Variants in SMOC1 observed in about 807,000 individuals in gnomAD.
SMOC1 encodes the protein SPARC-related modular calcium-binding protein 1.
In SMOC1, 22 loss-of-function variants were observed where a neutral mutation model predicts 56.3. The ratio of observed to expected loss-of-function variants is 0.39; its 90% CI spans 0.28 to 0.56. The LOEUF is 0.56. SMOC1 is among the 20% of genes least tolerant of loss of function. The pLI, the probability that SMOC1 is intolerant of heterozygous loss-of-function variation, is 0.61. For synonymous variants in SMOC1, 193 were observed against 215.0 expected (o/e 0.90, Z 0.89); for missense variants, 509 against 565.4 (o/e 0.90, Z 1.01).
chr14:69,933,368 T>C (rs1343433796), intron 1 of SMOC1, among the ~76,000 whole-genome samples: 1 of 152,102 alleles, frequency 6.6e-6, no homozygotes, highest in African/African-American at 2.4e-5. Flanking sequence ...TGAAAGACTT[T>C]TTTTTTCACT....
rs1010974545 is a variant in SMOC1 at position 69,961,300 on chromosome 14, A to G, written c.378+7768A>G. On this transcript the variant is annotated intron_variant, in intron 3 of 11. Transcript: ENST00000361956. Reference sequence around the variant, plus strand: ...TATATATATATATATATATATATATATATATATATATATATATATCCTGTT... The same window carrying G: ...TATATATATATATATATATATATATGTATATATATATATATATATCCTGTT... Among the ~76,000 whole-genome samples, 4 of 128,410 alleles carry G rather than the reference A, an allele frequency of 3.1e-5. 1 individual carries two copies. Among genetic ancestry groups the G allele is most frequent in the African/African-American group, 1.2e-4 (4 of 34,214 alleles). 84.2% of individuals were successfully genotyped at this position (128,410 alleles called of 152,430 possible). A position where few individuals can be genotyped will look rare whatever the true frequency, so the allele number is the denominator to read the frequency against.
chr14:70,000,463 G>A (rs1884927198), intron 7 of SMOC1, among the ~76,000 whole-genome samples: 1 of 152,218 alleles, frequency 6.6e-6, no homozygotes, highest in East Asian at 1.9e-4. Context: ...ACTTGTCATT[G>A]CAAAGATACT....
intron 7 of SMOC1, among the ~76,000 whole-genome samples, chr14:70,004,170 A>G (rs1885068595): frequency 2.0e-5 from 3 of 152,168 alleles, no homozygotes. Flanking sequence ...TCATTCATCA[A>G]GGCATCTTCC....
intron 3 of SMOC1, among the ~76,000 whole-genome samples, chr14:69,973,646 A>G (rs1883856340): frequency 6.6e-6 from 1 of 152,208 alleles, no homozygotes; most frequent in Admixed American, 6.5e-5. Flanking sequence ...TGCCTCATTT[A>G]GACAGCATGC....
intron 1 of SMOC1, among the ~76,000 whole-genome samples, chr14:69,910,611 T>G (rs1188837527): frequency 4.3e-5 from 6 of 140,302 alleles, no homozygotes; most frequent in Non-Finnish European, 1.6e-5. Context: ...TTTTTTTTTT[T>G]GGTTGACAAA....
chr14:69,966,847 T>C (rs1308447070), intron 3 of SMOC1, among the ~76,000 whole-genome samples: 1 of 152,242 alleles, frequency 6.6e-6, no homozygotes, highest in Non-Finnish European at 1.5e-5. Context: ...ATTATATCCT[T>C]GTGAAATCTT....
At chr14:69,893,701 G>A (rs1227441796) in intron 1 of SMOC1, among the ~76,000 whole-genome samples, 10 of 152,208 alleles carry the variant, frequency 6.6e-5, no homozygotes, top group Non-Finnish European at 2.9e-5. Flanking sequence ...CAGTGAAGGA[G>A]ATTCATTGGC....
chr14:69,932,922 C>A (rs1885204801), intron 1 of SMOC1, among the ~76,000 whole-genome samples: 1 of 152,142 alleles, frequency 6.6e-6, no homozygotes, highest in African/African-American at 2.4e-5. Context: ...CAAGACTACA[C>A]CAACCTAGGG....
chr14:69,952,359 C>T, intron 2 of SMOC1, 56 bp downstream of exon 2: 2 of 1,604,478 alleles, frequency 1.2e-6, no homozygotes, highest in Non-Finnish European at 1.7e-6. Flanking sequence ...CCCCAGCTCC[C>T]TCACTATGCA....
chr14:69,993,703 G>A (rs1382367302), intron 6 of SMOC1, among the ~76,000 whole-genome samples: 1 of 152,284 alleles, frequency 6.6e-6, no homozygotes, highest in Admixed American at 6.5e-5. Context: ...GATCCACAAA[G>A]GTCCTGGATC....
At chr14:69,940,230 C>T (rs1236895206) in intron 1 of SMOC1, among the ~76,000 whole-genome samples, 7 of 152,184 alleles carry the variant, frequency 4.6e-5, no homozygotes, top group African/African-American at 1.7e-4. Flanking sequence ...CCCCACTGAA[C>T]TTCTCCCTCA....
At chr14:69,914,993 G>C (rs1205706679) in intron 1 of SMOC1, among the ~76,000 whole-genome samples, 1 of 151,882 alleles carries the variant, frequency 6.6e-6, no homozygotes, top group African/African-American at 2.4e-5. Context: ...CAGCCTCCCA[G>C]GTAGCTGGAA....
chr14:69,955,334 A>G (rs1426485284), intron 3 of SMOC1, among the ~76,000 whole-genome samples: 1 of 152,080 alleles, frequency 6.6e-6, no homozygotes, highest in Non-Finnish European at 1.5e-5. Context: ...CCTGGGCACG[A>G]AGCTCAGCCC....
At chr14:69,971,233 G>T (rs563276949) in intron 3 of SMOC1, among the ~76,000 whole-genome samples, 6 of 152,236 alleles carry the variant, frequency 3.9e-5, no homozygotes, top group Non-Finnish European at 8.8e-5. Flanking sequence ...GGCCAGGCTG[G>T]TCTCGAACTC....
intron 1 of SMOC1, among the ~76,000 whole-genome samples, chr14:69,947,940 C>T (rs571131558): frequency 6.6e-5 from 10 of 152,298 alleles, no homozygotes; most frequent in African/African-American, 2.2e-4. Flanking sequence ...CTCTTATTGC[C>T]TTTATCTTAA....
intron 7 of SMOC1, among the ~76,000 whole-genome samples, chr14:69,998,006 G>A (rs186711617): frequency 1.3e-4 from 20 of 152,252 alleles, no homozygotes; most frequent in African/African-American, 4.8e-4. Context: ...ACCCTGTGAC[G>A]CCAGGTTTGT....
chr14:70,011,700 C>T (rs1302575524), intron 9 of SMOC1, 133 bp downstream of exon 9: 6 of 828,920 alleles, frequency 7.2e-6, no homozygotes, highest in Non-Finnish European at 1.0e-5. Flanking sequence ...GTGGGATCTA[C>T]ATCCTGGTCT....
At chr14:70,027,377 G>A (rs1306979875) in intron 11 of SMOC1, among the ~76,000 whole-genome samples, 1 of 152,104 alleles carries the variant, frequency 6.6e-6, no homozygotes, top group African/African-American at 2.4e-5. Context: ...CAAGGGAGTG[G>A]CCAGTGGGGG....
At chr14:69,974,811 GT>G (rs1883893887) in intron 3 of SMOC1, among the ~76,000 whole-genome samples, 1 of 152,146 alleles carries the variant, frequency 6.6e-6, no homozygotes, top group South Asian at 2.1e-4. Flanking sequence ...AGATCACACA[GT>G]GGTGCAGCAG....
Sources: gnomAD v4.1 joint callset for allele counts (sites outside exome capture counted in the v4.1 genomes callset) on GRCh38, gnomAD v4.1.1 for gene constraint, MANE v1.5 for transcripts, NCBI Gene and HGNC (gene_info 2026-07-23, HGNC 2026-07-21) for gene names.